MYO3B: variants seen among roughly 807,000 people sequenced by gnomAD.
MYO3B encodes the protein myosin-IIIb.
Under a neutral mutation model 174.6 loss-of-function variants are expected in MYO3B, and 156 were observed. The ratio of observed to expected loss-of-function variants is 0.89; its 90% CI spans 0.78 to 1.02. The LOEUF (loss-of-function observed/expected upper bound fraction) is 1.02, where lower values mean the gene tolerates loss of function less well. Ranked by LOEUF, MYO3B falls within the 50% of genes least tolerant of loss-of-function variation. MYO3B has a pLI of 0.00. For missense variants in MYO3B, 1,632 were observed against 1,639.4 expected (o/e 1.00, Z 0.08); for synonymous variants, 563 against 569.1 (o/e 0.99, Z 0.15).
intron 7 of MYO3B, among the ~76,000 whole-genome samples, chr2:170,316,020 T>C (rs1282564575): frequency 6.6e-6 from 1 of 152,256 alleles, no homozygotes; most frequent in East Asian, 1.9e-4. Flanking sequence ...TCAGAGATGA[T>C]TCCAAAGCTG....
intron 9 of MYO3B, among the ~76,000 whole-genome samples, chr2:170,371,249 TTTC>T (rs1451125351): frequency 3.3e-5 from 5 of 149,818 alleles, no homozygotes; most frequent in Non-Finnish European, 5.9e-5. Flanking sequence ...AACCAAAACC[TTTC>T]TTCTTTTACC....
At chr2:170,249,934 GA>G (rs1194049259) in intron 7 of MYO3B, among the ~76,000 whole-genome samples, 3 of 152,130 alleles carry the variant, frequency 2.0e-5, no homozygotes, top group Non-Finnish European at 2.9e-5. Context: ...GTGAGCAACA[GA>G]AAAAAATGGC....
At chr2:170,360,220 T>C (rs2105642294) in intron 8 of MYO3B, among the ~76,000 whole-genome samples, 1 of 152,250 alleles carries the variant, frequency 6.6e-6, no homozygotes, top group Non-Finnish European at 1.5e-5. Context: ...ATGAGAATTG[T>C]GGATTTAATT....
chr2:170,337,439 T>C (rs1406643487), intron 8 of MYO3B, among the ~76,000 whole-genome samples: 1 of 152,216 alleles, frequency 6.6e-6, no homozygotes. Context: ...CTGATGCCTC[T>C]AAAAATGTGA....
chr2:170,313,294 A>G (rs2093751977), intron 7 of MYO3B, among the ~76,000 whole-genome samples: 1 of 152,236 alleles, frequency 6.6e-6, no homozygotes, highest in South Asian at 2.1e-4. Context: ...AATATGGATT[A>G]TGTGAGGCAT....
intron 16 of MYO3B, among the ~76,000 whole-genome samples, chr2:170,397,239 G>A (rs2094446701): frequency 6.6e-6 from 1 of 152,182 alleles, no homozygotes; most frequent in Admixed American, 6.5e-5. Context: ...TGTCTTTGTA[G>A]CATTATCAGG....
intron 7 of MYO3B, among the ~76,000 whole-genome samples, chr2:170,297,961 C>T (rs938916383): frequency 6.6e-6 from 1 of 151,916 alleles, no homozygotes; most frequent in Non-Finnish European, 1.5e-5. Context: ...AATGATTAGG[C>T]TAGGAAATAA....
At chr2:170,593,795 A>G (rs997122793) in intron 32 of MYO3B, among the ~76,000 whole-genome samples, 4 of 152,198 alleles carry the variant, frequency 2.6e-5, no homozygotes, top group Middle Eastern at 3.2e-3. Context: ...TTTTGTTTCC[A>G]GCTCTCTATG....
intron 7 of MYO3B, among the ~76,000 whole-genome samples, chr2:170,243,365 A>G (rs1022554374): frequency 2.6e-5 from 4 of 152,210 alleles, no homozygotes; most frequent in Non-Finnish European, 5.9e-5. Flanking sequence ...AGCCTGAGGT[A>G]GTTCTCATAT....
chr2:170,249,575 T>C (rs902143308), intron 7 of MYO3B, among the ~76,000 whole-genome samples: 21 of 152,150 alleles, frequency 1.4e-4, no homozygotes, highest in African/African-American at 4.6e-4. Flanking sequence ...CCTAAGTATT[T>C]CAAATCAAAA....
rs185440829 is a variant in MYO3B, at chr2:170,619,201, C to T, written c.3734-32427C>T. ...CCGTTTATAGGCTCTCCACAAGGGT[C>T]GCATTCCATTCCTAGAGCTATGAAC... On this transcript the variant is annotated intron_variant, in intron 32 of 34. Transcript: ENST00000408978. 1.5e-4 allele frequency among the ~76,000 whole-genome samples: 23 copies of T among 152,200 alleles called. No homozygotes were observed. In the East Asian group the frequency reaches 3.9e-3, roughly 26 times the overall value.
At chr2:170,282,690 G>A (rs2093521382) in intron 7 of MYO3B, among the ~76,000 whole-genome samples, 1 of 151,852 alleles carries the variant, frequency 6.6e-6, no homozygotes. Flanking sequence ...AGATTACTTT[G>A]ATTAGCATGA....
chr2:170,590,377 G>A (rs893210057), intron 32 of MYO3B, among the ~76,000 whole-genome samples: 1 of 152,050 alleles, frequency 6.6e-6, no homozygotes, highest in South Asian at 2.1e-4. Flanking sequence ...GGAAGAAATG[G>A]AAATACTCCT....
chr2:170,235,958 G>A (rs746745296), intron 6 of MYO3B, 33 bp from the exon 7 acceptor site: 4 of 1,612,716 alleles, frequency 2.5e-6, no homozygotes, highest in South Asian at 1.1e-5. Flanking sequence ...TGGCAGTAGG[G>A]TTGATGTGTC....
chr2:170,208,464 C>T (rs2092737324), intron 3 of MYO3B, among the ~76,000 whole-genome samples: 1 of 152,240 alleles, frequency 6.6e-6, no homozygotes, highest in Non-Finnish European at 1.5e-5. Context: ...GATGGGCACC[C>T]TATTTATATC....
intron 1 of MYO3B, among the ~76,000 whole-genome samples, chr2:170,182,614 C>CTTTTTTTTTTTTTT (rs3066879): frequency 7.4e-6 from 1 of 135,628 alleles, no homozygotes; most frequent in Non-Finnish European, 1.6e-5. Flanking sequence ...TTTTCTGTTT[C>CTTTTTTTTTTTTTT]TTTTTTTTTT....
At chr2:170,375,557 G>A (rs2105711114) in intron 9 of MYO3B, among the ~76,000 whole-genome samples, 1 of 151,086 alleles carries the variant, frequency 6.6e-6, no homozygotes, top group Non-Finnish European at 1.5e-5. Context: ...TGTCGCCCTT[G>A]CAATTTGCCT....
At chr2:170,425,869 A>G (rs1456379991) in intron 22 of MYO3B, among the ~76,000 whole-genome samples, 4 of 152,216 alleles carry the variant, frequency 2.6e-5, no homozygotes, top group African/African-American at 9.6e-5. Context: ...ACTCGGCCTC[A>G]GTTTTATGTC....
chr2:170,246,906 A>G (rs768029544), intron 7 of MYO3B, among the ~76,000 whole-genome samples: 6 of 152,106 alleles, frequency 3.9e-5, no homozygotes, highest in Non-Finnish European at 8.8e-5. Context: ...AGGGGTGGGT[A>G]TAGGAGTTAG....
Sources: gnomAD v4.1 joint callset for allele counts (sites outside exome capture counted in the v4.1 genomes callset) on GRCh38, gnomAD v4.1.1 for gene constraint, MANE v1.5 for transcripts, NCBI Gene and HGNC (gene_info 2026-07-23, HGNC 2026-07-21) for gene names.